CEMIP2: variants seen among roughly 807,000 people sequenced by gnomAD.
The protein encoded by CEMIP2 is cell migration inducing hyaluronidase 2.
In CEMIP2, 79 loss-of-function variants were observed where a neutral mutation model predicts 146.9. The observed-to-expected ratio is 0.54, with a 90% CI of 0.45 to 0.65. CEMIP2 has a LOEUF of 0.65. Ranked by LOEUF, CEMIP2 falls within the 30% of genes least tolerant of loss-of-function variation. CEMIP2 has a pLI of 0.00. For synonymous variants in CEMIP2, 601 were observed against 606.3 expected (o/e 0.99, Z 0.13); for missense variants, 1,596 against 1,696.2 (o/e 0.94, Z 1.04).
At chr9:71,687,883 T>A (rs1822115098) in intron 22 of CEMIP2, among the ~76,000 whole-genome samples, 1 of 152,002 alleles carries the variant, frequency 6.6e-6, no homozygotes, top group African/African-American at 2.4e-5. Context: ...AGAGATAGGG[T>A]CCTTGCTCTG....
At chr9:71,749,700 C>A (rs1393429522) in intron 2 of CEMIP2, among the ~76,000 whole-genome samples, 1 of 151,422 alleles carries the variant, frequency 6.6e-6, no homozygotes, top group Non-Finnish European at 1.5e-5. Flanking sequence ...AGCAAGACTG[C>A]CTCAAAAAAA....
At chr9:71,739,974 T>G (rs1823867301) in intron 5 of CEMIP2, 89 bp downstream of exon 5, 1 of 1,241,968 alleles carries the variant, frequency 8.1e-7, no homozygotes. Flanking sequence ...AGGCGGACTG[T>G]CATTTGAACA....
In CEMIP2 at chr9:71,715,019, T is replaced by C; in HGVS notation, c.2506A>G (p.Arg836Gly). Residue 836 changes from arginine (R) to glycine (G), a missense_variant, in exon 15 of 24, where the codon AGG becomes GGG. Coordinates refer to ENST00000377044, the MANE Select transcript of CEMIP2 (RefSeq NM_013390.3). ...VSESLFVGES[R>G]NYGFQGGQNK... is the part of the protein sequence containing the mutation. ...TGACCACCCTGAAAGCCGTAATTCCTGCTCTCCCCAACAAAGAGAGATTCA... is the reference window on the plus strand; with the variant it reads ...TGACCACCCTGAAAGCCGTAATTCCCGCTCTCCCCAACAAAGAGAGATTCA... 1.9e-6 allele frequency: 3 copies of C among 1,614,024 alleles called. No individual in the cohort carries two copies. Among genetic ancestry groups the C allele is most frequent in the Non-Finnish European group, 2.5e-6 (3 of 1,179,952 alleles).
intron 7 of CEMIP2, among the ~76,000 whole-genome samples, chr9:71,731,595 G>A (rs1000962609): frequency 1.3e-5 from 2 of 152,110 alleles, no homozygotes; most frequent in Non-Finnish European, 2.9e-5. Context: ...GCCAGGCACT[G>A]TGGTGTACAC....
chr9:71,704,534 C>A, intron 18 of CEMIP2, 61 bp downstream of exon 18: 2 of 1,578,930 alleles, frequency 1.3e-6, no homozygotes, highest in Non-Finnish European at 1.7e-6. Flanking sequence ...ATAAGTTATT[C>A]TTTTTCTCCA....
rs763359866 is a variant in CEMIP2 at position 71,730,692 on chromosome 9, C to T, written c.1773+13G>A. On this transcript the variant is annotated intron_variant, in intron 8 of 23. Coordinates refer to ENST00000377044, the MANE Select transcript of CEMIP2 (RefSeq NM_013390.3). ...TTCAATAATATGGGTTGACCTAATG[C>T]GAGGCTACTTACTAGCAAGCCATTT... The T allele has an allele frequency of 1.5e-5, 24 of 1,613,070 alleles. No homozygotes were observed. The highest frequency in any genetic ancestry group is 2.7e-5 in the African/African-American group (2 of 74,854).
intron 11 of CEMIP2, among the ~76,000 whole-genome samples, chr9:71,723,182 CGAAG>C (rs1823291486): frequency 8.1e-6 from 1 of 122,984 alleles, no homozygotes; most frequent in African/African-American, 2.9e-5. Context: ...CAAAAATGTA[CGAAG>C]GAAGGAAATA....
intron 10 of CEMIP2, 98 bp downstream of exon 10, chr9:71,729,747 G>T: frequency 8.7e-7 from 1 of 1,153,234 alleles, no homozygotes; most frequent in Non-Finnish European, 1.3e-6. Flanking sequence ...GTCATGCTTG[G>T]GTTACACTGG....
At chr9:71,736,268 CCTCT>C (rs1175050083) in intron 5 of CEMIP2, among the ~76,000 whole-genome samples, 1 of 152,088 alleles carries the variant, frequency 6.6e-6, no homozygotes, top group African/African-American at 2.4e-5. Context: ...TTGGAAGCAA[CCTCT>C]CTCTCTCCGG....
intron 22 of CEMIP2, among the ~76,000 whole-genome samples, chr9:71,688,366 A>G (rs916178777): frequency 6.6e-6 from 1 of 151,774 alleles, no homozygotes; most frequent in South Asian, 2.1e-4. Flanking sequence ...TCATGCTGGT[A>G]TGGGTTCTTT....
intron 18 of CEMIP2, among the ~76,000 whole-genome samples, chr9:71,704,265 G>A (rs945603622): frequency 1.3e-5 from 2 of 152,050 alleles, no homozygotes; most frequent in Non-Finnish European, 2.9e-5. Flanking sequence ...TTTCAGGTAA[G>A]CAAATGCTCC....
At chr9:71,759,866 G>GA (rs372007036) in intron 1 of CEMIP2, among the ~76,000 whole-genome samples, 9,016 of 150,938 alleles carry the variant, frequency 0.06, 443 homozygotes, top group South Asian at 0.17. Flanking sequence ...TATCTTTGTA[G>GA]TAGGGGAAAA....
At chr9:71,753,877 G>A (rs62544875) in intron 1 of CEMIP2, among the ~76,000 whole-genome samples, 10,508 of 152,184 alleles carry the variant, frequency 0.069, 513 homozygotes, top group South Asian at 0.19. Flanking sequence ...TCTTGCTATC[G>A]TTAGAGGATT....
chr9:71,762,605 A>G (rs1824670956), intron 1 of CEMIP2, among the ~76,000 whole-genome samples: 1 of 152,058 alleles, frequency 6.6e-6, no homozygotes, highest in Non-Finnish European at 1.5e-5. Context: ...GGAGGCAAGA[A>G]AAAACACTTG....
At chr9:71,716,414 T>C in intron 14 of CEMIP2, 103 bp downstream of exon 14, 1 of 999,766 alleles carries the variant, frequency 1.0e-6, no homozygotes, top group Non-Finnish European at 1.5e-6. Context: ...ATTTTTTTTA[T>C]GTTAAAAAAA....
chr9:71,703,139 C>T (rs548995990), intron 18 of CEMIP2, among the ~76,000 whole-genome samples: 3 of 152,260 alleles, frequency 2.0e-5, no homozygotes, highest in Non-Finnish European at 2.9e-5. Flanking sequence ...GACTGCTCCA[C>T]GGAGCCAGGC....
In CEMIP2 at chr9:71,755,346, T is replaced by TACACACACACACACACAC. The variant is rs34581447; in HGVS notation, c.-12-4979_-12-4962dup. Among the ~76,000 whole-genome samples the TACACACACACACACACAC allele has an allele frequency of 9.6e-3, 1,299 of 134,894 alleles. 19 individuals carry two copies. Among genetic ancestry groups the TACACACACACACACACAC allele is most frequent in the African/African-American group, 0.024 (828 of 35,056 alleles). 88.5% of individuals were successfully genotyped at this position (134,894 alleles called of 152,430 possible). ...GGAACCTAGTGAGACACCCTGTCTC[T>TACACACACACACACACAC]ACACACACACACACACACACACACA... On this transcript the variant is annotated intron_variant, in intron 1 of 23. Transcript: ENST00000377044.
intron 18 of CEMIP2, among the ~76,000 whole-genome samples, chr9:71,703,642 G>T (rs1241471428): frequency 6.6e-6 from 1 of 152,122 alleles, no homozygotes; most frequent in African/African-American, 2.4e-5. Context: ...ATAGCCACAT[G>T]TATCTAGATT....
At chr9:71,704,462 G>T in intron 18 of CEMIP2, 133 bp downstream of exon 18, 2 of 822,654 alleles carry the variant, frequency 2.4e-6, no homozygotes, top group Non-Finnish European at 3.9e-6. Flanking sequence ...AAAATATACA[G>T]CCTCCCCACA....
Sources: gnomAD v4.1 joint callset for allele counts (sites outside exome capture counted in the v4.1 genomes callset) on GRCh38, gnomAD v4.1.1 for gene constraint, MANE v1.5 for transcripts, NCBI Gene and HGNC (gene_info 2026-07-23, HGNC 2026-07-21) for gene names.